TENM1: variants seen among roughly 807,000 people sequenced by gnomAD.
The protein encoded by TENM1 is teneurin transmembrane protein 1, also known as teneurin-1.
TENM1 carries 35 observed loss-of-function variants against 174.8 expected under a neutral mutation model. That is an observed-to-expected ratio of 0.20 (90% CI 0.15 to 0.27). The LOEUF (loss-of-function observed/expected upper bound fraction) is 0.27, where lower values mean the gene tolerates loss of function less well. Ranked by LOEUF, TENM1 falls within the 10% of genes least tolerant of loss-of-function variation. TENM1 has a pLI of 1.00. For missense variants in TENM1, 1,633 were observed against 2,130.1 expected (o/e 0.77, Z 4.59); for synonymous variants, 781 against 798.7 (o/e 0.98, Z 0.37).
At chrX:124,566,915 G>GT (rs1466124883) in intron 11 of TENM1, among the ~76,000 whole-genome samples, 8 of 111,895 alleles carry the variant, frequency 7.1e-5, no homozygotes, top group African/African-American at 2.6e-4. Context: ...CTCTGTTTGC[G>GT]TAAGAATGCA....
intron 31 of TENM1, among the ~76,000 whole-genome samples, chrX:124,382,096 T>C (rs187060478): frequency 9.0e-6 from 1 of 111,688 alleles, no homozygotes; most frequent in African/African-American, 3.3e-5. Flanking sequence ...TTCTTTCAGT[T>C]GAAAGAAAAA....
At chrX:124,851,200 A>G (rs758225591) in intron 3 of TENM1, among the ~76,000 whole-genome samples, 48 of 111,505 alleles carry the variant, frequency 4.3e-4, no homozygotes, top group Middle Eastern at 4.6e-3. Flanking sequence ...GGCCCCTGAG[A>G]TCAGAGACTG....
At chrX:124,527,710 G>A (rs1220531460) in intron 16 of TENM1, among the ~76,000 whole-genome samples, 3 of 100,612 alleles carry the variant, frequency 3.0e-5, no homozygotes, top group Non-Finnish European at 6.0e-5. Context: ...GTAACGTGGC[G>A]CGATCTCGGC....
intron 1 of TENM1, among the ~76,000 whole-genome samples, chrX:124,930,771 C>A (rs2147714961): frequency 9.0e-6 from 1 of 111,394 alleles, no homozygotes; most frequent in Non-Finnish European, 1.9e-5. Context: ...TATAAAATGC[C>A]CAAGGGAGCC....
At chrX:124,848,319 A>G (rs1347375255) in intron 3 of TENM1, among the ~76,000 whole-genome samples, 1 of 110,778 alleles carries the variant, frequency 9.0e-6, no homozygotes, top group East Asian at 2.8e-4. Context: ...CCAAATGGAT[A>G]CTGCCCCTGT....
chrX:124,948,010 C>T (rs1271690722), intron 1 of TENM1, among the ~76,000 whole-genome samples: 1 of 112,006 alleles, frequency 8.9e-6, no homozygotes, highest in Non-Finnish European at 1.9e-5. Flanking sequence ...CAAACTACAA[C>T]ATCAATAGAA....
At chrX:125,162,946 C>T in the TENM1 span, among the ~76,000 whole-genome samples, 4 of 111,389 alleles carry the variant, frequency 3.6e-5, no homozygotes, top group African/African-American at 1.3e-4. Context: ...CACTCTCAGT[C>T]ACCCAAGGTT....
intron 3 of TENM1, among the ~76,000 whole-genome samples, chrX:124,806,493 C>T (rs1355723229): frequency 8.9e-6 from 1 of 111,982 alleles, no homozygotes; most frequent in South Asian, 3.7e-4. Context: ...ATCCAAATAA[C>T]ACTACCTCAT....
intron 23 of TENM1, among the ~76,000 whole-genome samples, chrX:124,432,993 T>C (rs1034054655): frequency 1.8e-5 from 2 of 111,818 alleles, no homozygotes; most frequent in African/African-American, 6.5e-5. Flanking sequence ...TGAGGTGGCC[T>C]TGAAAATGGA....
the TENM1 span, among the ~76,000 whole-genome samples, chrX:125,199,068 G>C: frequency 4.3e-3 from 482 of 111,490 alleles, 3 homozygotes; most frequent in African/African-American, 0.015. Context: ...TAACCCAAGA[G>C]TGTTTAAGAT....
the TENM1 span, among the ~76,000 whole-genome samples, chrX:124,989,852 G>A: frequency 9.0e-6 from 1 of 111,200 alleles, no homozygotes; most frequent in African/African-American, 3.3e-5. Flanking sequence ...CTTTGTGTTC[G>A]TAAAACATTT....
chrX:124,720,675 T>C (rs1264727174), intron 4 of TENM1, among the ~76,000 whole-genome samples: 3 of 112,217 alleles, frequency 2.7e-5, no homozygotes, highest in Non-Finnish European at 5.6e-5. Flanking sequence ...AGGGTTTTGT[T>C]TTAAAAATGC....
intron 3 of TENM1, among the ~76,000 whole-genome samples, chrX:124,861,239 C>T (rs181621344): frequency 4.4e-4 from 49 of 111,917 alleles, no homozygotes; most frequent in Non-Finnish European, 6.4e-4. Context: ...CCTTCCTTAT[C>T]TTTCTGTTTT....
At chrX:124,962,767 G>A (rs1240137270) in intron 1 of TENM1, among the ~76,000 whole-genome samples, 1 of 110,881 alleles carries the variant, frequency 9.0e-6, no homozygotes, top group African/African-American at 3.3e-5. Flanking sequence ...GCAGTAAGCC[G>A]AGATTGCGCC....
At chrX:124,397,107 T>A (rs937829030) in intron 27 of TENM1, among the ~76,000 whole-genome samples, 1 of 110,623 alleles carries the variant, frequency 9.0e-6, no homozygotes, top group Non-Finnish European at 1.9e-5. Flanking sequence ...GAGGGAAGAG[T>A]GTGCTCTGGA....
intron 15 of TENM1, among the ~76,000 whole-genome samples, chrX:124,535,164 C>T (rs1487165375): frequency 4.5e-5 from 5 of 111,475 alleles, no homozygotes; most frequent in African/African-American, 6.5e-5. Flanking sequence ...ATTGCTGGGT[C>T]GTATCCTCAG....
chrX:124,879,014 A>G (rs1299451948), intron 3 of TENM1, among the ~76,000 whole-genome samples: 2 of 112,114 alleles, frequency 1.8e-5, no homozygotes, highest in Non-Finnish European at 3.8e-5. Context: ...TAAAATTTTC[A>G]TATTTATGGG....
chrX:124,560,225 G>GTGTGTA (rs2048786332), intron 14 of TENM1, among the ~76,000 whole-genome samples: 1 of 106,707 alleles, frequency 9.4e-6, no homozygotes. Flanking sequence ...GTGTGTGTGT[G>GTGTGTA]TGTGTGTGTA....
At chrX:125,097,758 C>T in the TENM1 span, among the ~76,000 whole-genome samples, 68 of 112,142 alleles carry the variant, frequency 6.1e-4, 1 homozygote, top group East Asian at 0.015. Flanking sequence ...AAACTCTGTC[C>T]GTGTTATTTT....
Sources: gnomAD v4.1 joint callset for allele counts (sites outside exome capture counted in the v4.1 genomes callset) on GRCh38, gnomAD v4.1.1 for gene constraint, MANE v1.5 for transcripts, NCBI Gene and HGNC (gene_info 2026-07-23, HGNC 2026-07-21) for gene names.